The following TBC1D30 variants were observed in gnomAD, a reference collection of about 807,000 sequenced individuals.
The protein encoded by TBC1D30 is TBC1 domain family, member 30.
Under a neutral mutation model 63.2 loss-of-function variants are expected in TBC1D30, and 31 were observed. The observed-to-expected ratio is 0.49, with a 90% CI of 0.37 to 0.66. The LOEUF is 0.66. TBC1D30 is among the 30% of genes least tolerant of loss of function. TBC1D30 has a pLI of 0.00. For missense variants in TBC1D30, 810 were observed against 953.6 expected, an observed-to-expected ratio of 0.85 and a Z score of 1.98; for synonymous variants, 307 against 361.5, an observed-to-expected ratio of 0.85 and a Z score of 1.71.
intron 2 of TBC1D30, among the ~76,000 whole-genome samples, chr12:64,800,984 A>T (rs1001620517): frequency 6.6e-6 from 1 of 152,174 alleles, no homozygotes; most frequent in Admixed American, 6.5e-5. Flanking sequence ...GGTGAGACGG[A>T]TGAGAACTAG....
At chr12:64,857,340 G>A (rs1036344696) in intron 8 of TBC1D30, among the ~76,000 whole-genome samples, 2 of 152,100 alleles carry the variant, frequency 1.3e-5, no homozygotes, top group Non-Finnish European at 2.9e-5. Flanking sequence ...TCCCTTTAAG[G>A]CAGGGGTTCT....
chr12:64,813,753 T>G (rs1190565499), intron 2 of TBC1D30, among the ~76,000 whole-genome samples: 2 of 152,198 alleles, frequency 1.3e-5, no homozygotes, highest in Non-Finnish European at 2.9e-5. Context: ...TAATTTCTCT[T>G]GTAGTTGGAT....
In TBC1D30 at chr12:64,828,470, C is replaced by T. The variant is rs1874558034; in HGVS notation, c.243C>T (p.Ala81=). 2.0e-6 allele frequency: 3 copies of T among 1,535,766 alleles called. No individual in the cohort carries two copies. The highest frequency in any genetic ancestry group is 2.6e-6 in the Non-Finnish European group (3 of 1,146,776). Residue 81 remains alanine, a synonymous_variant, in exon 3 of 12, where the codon GCC becomes GCT. Transcript: ENST00000539867. ...QQWYDALKAV[A]RLSTGIPKEW... is the part of the protein sequence containing the mutation. ...GGTACGATGCTCTCAAGGCAGTTGCCAGGCTATCCACAGGAATACCAAAGG... is the reference window on the plus strand; with the variant it reads ...GGTACGATGCTCTCAAGGCAGTTGCTAGGCTATCCACAGGAATACCAAAGG...
intron 8 of TBC1D30, among the ~76,000 whole-genome samples, chr12:64,843,784 T>C (rs1283449184): frequency 2.6e-5 from 4 of 152,066 alleles, no homozygotes; most frequent in African/African-American, 9.7e-5. Context: ...TATTCTGAAT[T>C]TTATTCTTAG....
intron 2 of TBC1D30, among the ~76,000 whole-genome samples, chr12:64,816,508 A>G (rs564924782): frequency 7.2e-5 from 11 of 152,348 alleles, no homozygotes; most frequent in African/African-American, 2.2e-4. Flanking sequence ...GGATTGAGGA[A>G]TTCTAATAGA....
At chr12:64,764,016 G>A (rs573494980) in intron 1 of TBC1D30, among the ~76,000 whole-genome samples, 3 of 152,282 alleles carry the variant, frequency 2.0e-5, no homozygotes, top group Admixed American at 6.5e-5. Context: ...TATAAATGCT[G>A]TTTAACCACA....
chr12:64,832,331 A>G (rs1272274775), intron 5 of TBC1D30, 27 bp downstream of exon 5: 2 of 1,522,756 alleles, frequency 1.3e-6, no homozygotes, highest in South Asian at 1.2e-5. Context: ...GACAAAGGCC[A>G]TGGACATTCT....
intron 2 of TBC1D30, among the ~76,000 whole-genome samples, chr12:64,813,758 T>C (rs1407822779): frequency 6.6e-6 from 1 of 152,236 alleles, no homozygotes; most frequent in Non-Finnish European, 1.5e-5. Flanking sequence ...TCTCTTGTAG[T>C]TGGATAAAAA....
intron 8 of TBC1D30, among the ~76,000 whole-genome samples, chr12:64,854,253 T>G (rs1456776522): frequency 3.3e-5 from 5 of 152,134 alleles, no homozygotes; most frequent in Admixed American, 3.3e-4. Flanking sequence ...TATTGTATGT[T>G]TTTTGATTTG....
At chr12:64,805,606 G>A (rs942620467) in intron 2 of TBC1D30, among the ~76,000 whole-genome samples, 2 of 152,130 alleles carry the variant, frequency 1.3e-5, no homozygotes, top group Admixed American at 1.3e-4. Flanking sequence ...GCCAAGGCAG[G>A]CTGATCACTT....
intron 1 of TBC1D30, among the ~76,000 whole-genome samples, chr12:64,762,788 A>G (rs1420183960): frequency 1.3e-5 from 2 of 152,120 alleles, no homozygotes; most frequent in African/African-American, 4.8e-5. Flanking sequence ...AAATAGAAAG[A>G]TAATTTAGTT....
At chr12:64,771,426 G>A (rs1870902893) in intron 1 of TBC1D30, among the ~76,000 whole-genome samples, 1 of 152,006 alleles carries the variant, frequency 6.6e-6, no homozygotes, top group Non-Finnish European at 1.5e-5. Context: ...GGTTCTCCTG[G>A]ATCTACCAAG....
At chr12:64,848,508 A>C (rs1012295625) in intron 8 of TBC1D30, among the ~76,000 whole-genome samples, 66 of 151,958 alleles carry the variant, frequency 4.3e-4, no homozygotes, top group African/African-American at 1.6e-3. Flanking sequence ...CCCACTTATA[A>C]GTGAGAACCT....
chr12:64,804,582 T>A (rs1326717330), intron 2 of TBC1D30, among the ~76,000 whole-genome samples: 1 of 152,210 alleles, frequency 6.6e-6, no homozygotes, highest in Non-Finnish European at 1.5e-5. Flanking sequence ...TCAAAGGGAA[T>A]GCTTCCAGTT....
chr12:64,777,551 G>C (rs76630806), upstream of TBC1D30, among the ~76,000 whole-genome samples: 1 of 152,088 alleles, frequency 6.6e-6, no homozygotes, highest in Non-Finnish European at 1.5e-5. Context: ...AGCTAACTAG[G>C]GAGGTAAAAG....
intron 8 of TBC1D30, among the ~76,000 whole-genome samples, chr12:64,856,691 C>T (rs1162281131): frequency 6.6e-6 from 1 of 152,078 alleles, no homozygotes; most frequent in Non-Finnish European, 1.5e-5. Flanking sequence ...TGAGTTCCCC[C>T]CAGGCCCCAG....
chr12:64,796,718 C>T (rs575343107), intron 2 of TBC1D30, among the ~76,000 whole-genome samples: 1 of 152,240 alleles, frequency 6.6e-6, no homozygotes, highest in African/African-American at 2.4e-5. Context: ...CTATATCTTT[C>T]AAAAGCGTTA....
intron 11 of TBC1D30, among the ~76,000 whole-genome samples, chr12:64,873,244 A>G (rs928804451): frequency 8.5e-5 from 13 of 152,086 alleles, no homozygotes; most frequent in Non-Finnish European, 1.3e-4. Context: ...TCATGGAGTA[A>G]TTGGGGGAAA....
intron 2 of TBC1D30, among the ~76,000 whole-genome samples, chr12:64,807,510 A>C (rs1010058051): frequency 6.6e-6 from 1 of 152,190 alleles, no homozygotes; most frequent in Middle Eastern, 3.2e-3. Flanking sequence ...AAGTGTACAC[A>C]CAAAAGGGGT....
Sources: gnomAD v4.1 joint callset for allele counts (sites outside exome capture counted in the v4.1 genomes callset) on GRCh38, gnomAD v4.1.1 for gene constraint, MANE v1.5 for transcripts, NCBI Gene and HGNC (gene_info 2026-07-23, HGNC 2026-07-21) for gene names.